Variants in ENTHD1 observed in about 807,000 individuals in gnomAD.
ENTHD1 encodes the protein ENTH domain containing 1.
ENTHD1 carries 23 observed loss-of-function variants against 39.1 expected under a neutral mutation model. That is an observed-to-expected ratio of 0.59 (90% CI 0.42 to 0.83). ENTHD1 has a LOEUF of 0.83. Ranked by LOEUF, ENTHD1 falls within the 40% of genes least tolerant of loss-of-function variation. The probability of loss-of-function intolerance (pLI) is 0.00; values close to 1 mark genes in which losing one functional copy is unlikely to be tolerated. For synonymous variants in ENTHD1, 230 were observed against 258.2 expected, an observed-to-expected ratio of 0.89 and a Z score of 1.05; for missense variants, 624 against 705.4, an observed-to-expected ratio of 0.88 and a Z score of 1.31.
intron 2 of ENTHD1, among the ~76,000 whole-genome samples, chr22:39,880,578 A>T (rs2066329229): frequency 6.6e-6 from 1 of 152,154 alleles, no homozygotes; most frequent in Non-Finnish European, 1.5e-5. Flanking sequence ...TGTACAGGGG[A>T]AGAGGGTATT....
At chr22:39,817,523 A>C (rs1430315298) in intron 5 of ENTHD1, among the ~76,000 whole-genome samples, 1 of 152,214 alleles carries the variant, frequency 6.6e-6, no homozygotes, top group East Asian at 1.9e-4. Context: ...CTAAAGGTAC[A>C]CGTATGTATG....
intron 4 of ENTHD1, among the ~76,000 whole-genome samples, chr22:39,828,235 A>C (rs571791196): frequency 1.7e-4 from 26 of 152,226 alleles, no homozygotes; most frequent in Admixed American, 4.6e-4. Context: ...TGGAGGAGTA[A>C]GGAGCCACCC....
At chr22:39,790,494 C>G (rs138957703) in intron 5 of ENTHD1, among the ~76,000 whole-genome samples, 1 of 152,298 alleles carries the variant, frequency 6.6e-6, no homozygotes, top group African/African-American at 2.4e-5. Flanking sequence ...CCTCTCATAT[C>G]TTTCTGCTGA....
intron 2 of ENTHD1, among the ~76,000 whole-genome samples, chr22:39,869,950 G>A (rs1027958388): frequency 3.3e-5 from 5 of 151,582 alleles, no homozygotes; most frequent in Admixed American, 1.3e-4. Context: ...GACTAGAACA[G>A]CTGAAGATAG....
chr22:39,839,948 A>C (rs1201412435), intron 3 of ENTHD1, among the ~76,000 whole-genome samples: 2 of 152,250 alleles, frequency 1.3e-5, no homozygotes, highest in Admixed American at 6.5e-5. Context: ...GGCAAGAAAG[A>C]AAGCAATTAG....
rs114714334 is a variant in ENTHD1, at chr22:39,861,847, C to T, written c.510G>A (p.Ala170=). ...TATCCGGTGTGGGGGCAGAAGTGCA[C>T]GCTGTCAGTGAGTTACTTGAACCAA... is the stretch of plus-strand genomic sequence containing the variant. The part of the protein sequence containing the change: ...RQLGSSNSLT[A]CTSAPTPDIS... Residue 170 remains alanine (A), a synonymous_variant, in exon 3 of 7, where the codon GCG becomes GCA. Coordinates refer to ENST00000325157, the MANE Select transcript of ENTHD1 (RefSeq NM_152512.4). 3.4e-5 allele frequency: 54 copies of T among 1,604,058 alleles called. No individual in the cohort carries two copies. The highest frequency in any genetic ancestry group is 1.6e-4 in the African/African-American group (12 of 74,980).
At chr22:39,828,130 C>A (rs1039046515) in intron 4 of ENTHD1, among the ~76,000 whole-genome samples, 1 of 152,048 alleles carries the variant, frequency 6.6e-6, no homozygotes, top group Non-Finnish European at 1.5e-5. Context: ...TGAATGAGAC[C>A]AGTCAGGTAA....
intron 4 of ENTHD1, among the ~76,000 whole-genome samples, chr22:39,823,449 ATCC>A (rs928920541): frequency 3.9e-5 from 6 of 151,942 alleles, no homozygotes; most frequent in Non-Finnish European, 5.9e-5. Context: ...GGCTCAAGTG[ATCC>A]TCCCACTTCA....
At chr22:39,778,702 G>T (rs143512076) in intron 5 of ENTHD1, among the ~76,000 whole-genome samples, 87 of 152,212 alleles carry the variant, frequency 5.7e-4, no homozygotes, top group African/African-American at 2.0e-3. Context: ...CCAGACAGAG[G>T]CAGTTGTATG....
intron 3 of ENTHD1, among the ~76,000 whole-genome samples, chr22:39,858,485 C>A (rs1233498925): frequency 6.6e-6 from 1 of 152,184 alleles, no homozygotes; most frequent in Non-Finnish European, 1.5e-5. Context: ...CCATGAATCA[C>A]AAATGTTCTT....
chr22:39,857,696 A>G (rs1448505131), intron 3 of ENTHD1, among the ~76,000 whole-genome samples: 3 of 152,168 alleles, frequency 2.0e-5, no homozygotes, highest in African/African-American at 7.2e-5. Context: ...ACTGCAATAA[A>G]GCAAATATTC....
chr22:39,745,736 A>C (rs1278880682), intron 6 of ENTHD1, among the ~76,000 whole-genome samples: 1 of 152,194 alleles, frequency 6.6e-6, no homozygotes, highest in Non-Finnish European at 1.5e-5. Context: ...GAGAAGTAAA[A>C]GTTTTGAGAA....
At chr22:39,766,776 T>C (rs1243575649) in intron 5 of ENTHD1, among the ~76,000 whole-genome samples, 1 of 152,192 alleles carries the variant, frequency 6.6e-6, no homozygotes, top group Non-Finnish European at 1.5e-5. Flanking sequence ...TTCATTTTCA[T>C]CTGCAGTTGG....
intron 5 of ENTHD1, among the ~76,000 whole-genome samples, chr22:39,789,968 G>A (rs766973902): frequency 3.3e-5 from 5 of 152,120 alleles, no homozygotes; most frequent in Non-Finnish European, 7.4e-5. Flanking sequence ...TGGATCAGTG[G>A]AGGGCAGAGT....
chr22:39,870,959 G>A (rs1384716679), intron 2 of ENTHD1, among the ~76,000 whole-genome samples: 1 of 151,920 alleles, frequency 6.6e-6, no homozygotes, highest in Non-Finnish European at 1.5e-5. Flanking sequence ...GATCACTTGA[G>A]GCCAGGAGTT....
chr22:39,765,703 A>G, intron 5 of ENTHD1, 94 bp from the exon 6 acceptor site: 2 of 1,231,126 alleles, frequency 1.6e-6, no homozygotes, highest in Non-Finnish European at 2.2e-6. Flanking sequence ...GGATTTTTTA[A>G]TGTCATAACA....
chr22:39,801,080 C>T (rs1045697768), intron 5 of ENTHD1, among the ~76,000 whole-genome samples: 1 of 152,166 alleles, frequency 6.6e-6, no homozygotes, highest in Non-Finnish European at 1.5e-5. Context: ...ATATGATTAT[C>T]ATAGACTTAT....
chr22:39,834,592 T>G (rs1398000916), intron 4 of ENTHD1, among the ~76,000 whole-genome samples: 1 of 152,142 alleles, frequency 6.6e-6, no homozygotes, highest in East Asian at 1.9e-4. Context: ...TTGCAAAACT[T>G]GGCACACACT....
chr22:39,814,310 AAT>A (rs913365266), intron 5 of ENTHD1, among the ~76,000 whole-genome samples: 2 of 151,440 alleles, frequency 1.3e-5, no homozygotes, highest in Non-Finnish European at 2.9e-5. Context: ...AAAAAAAAAA[AAT>A]AACCAGGTGT....
Sources: allele counts gnomAD v4.1 joint callset (sites outside exome capture counted in the v4.1 genomes callset), GRCh38; gene constraint gnomAD v4.1.1; transcripts MANE v1.5; gene names NCBI Gene and HGNC (gene_info 2026-07-23, HGNC 2026-07-21).